The following SMYD5 variants were observed in gnomAD, a reference collection of about 807,000 sequenced individuals.
SMYD5 encodes the protein protein-lysine N-trimethyltransferase SMYD5.
In SMYD5, 35 loss-of-function variants were observed where a neutral mutation model predicts 57.4. That is an observed-to-expected ratio of 0.61 (90% CI 0.47 to 0.81). The LOEUF is 0.81. SMYD5 is among the 30% of genes least tolerant of loss of function. The probability of loss-of-function intolerance (pLI) is 0.00; values close to 1 mark genes in which losing one functional copy is unlikely to be tolerated. For missense variants in SMYD5, 471 were observed against 527.9 expected (o/e 0.89, Z 1.06); for synonymous variants, 198 against 189.7 (o/e 1.04, Z -0.36).
rs139106271 is a variant in SMYD5 at position 73,225,677 on chromosome 2, G to A, written c.1082G>A (p.Arg361His). 2.4e-5 allele frequency: 38 copies of A among 1,614,146 alleles called. No homozygotes were observed. The African/African-American group carries it at 2.9e-4, about 12-fold the overall frequency. ...GACTGCTGTCAGCGGGAGCGCAGCC[G>A]CCACAGCCGCCACAAGATCCTCAGG... is the stretch of plus-strand genomic sequence containing the variant. ...YLDCCQRERS[R>H]HSRHKILREN... is the part of the protein sequence containing the mutation. The change falls in exon 12 of 13, where the codon CGC becomes CAC. Residue 361 changes from arginine (R) to histidine (H), a missense_variant. By Grantham distance (29) the Arg-to-His change is conservative. Transcript: ENST00000389501.
rs375600186 is a variant in SMYD5, at chr2:73,218,852, C to T, written c.97-9C>T. 5 of 1,603,180 alleles carry T rather than the reference C, an allele frequency of 3.1e-6. No individual in the cohort carries two copies. The African/African-American group carries it at 6.7e-5, about 21-fold the overall frequency. Reference sequence around the variant, plus strand: ...TTTTTATGGCCATCCTATCCCTCTGCCCTCTCAGGGAAAGGGGCTGTTTGC... The same window carrying T: ...TTTTTATGGCCATCCTATCCCTCTGTCCTCTCAGGGAAAGGGGCTGTTTGC... On this transcript the variant is annotated splice_polypyrimidine_tract_variant and intron_variant, in intron 1 of 12. Transcript: ENST00000389501.
intron 10 of SMYD5, 26 bp from the exon 11 acceptor site, chr2:73,224,840 C>G: frequency 6.4e-7 from 1 of 1,561,330 alleles, no homozygotes; most frequent in Non-Finnish European, 8.8e-7. Context: ...GTCAATAATC[C>G]TCATTACCTG....
chr2:73,223,897 C>T (rs547616309), intron 9 of SMYD5, 50 bp from the exon 10 acceptor site: 4 of 1,571,760 alleles, frequency 2.5e-6, no homozygotes, highest in Middle Eastern at 1.7e-4. Flanking sequence ...GTTTCCTTTT[C>T]CTGCCTTTAA....
chr2:73,222,982 T>C (rs1285488144), intron 7 of SMYD5, 54 bp from the exon 8 acceptor site: 1 of 1,561,776 alleles, frequency 6.4e-7, no homozygotes, highest in Non-Finnish European at 8.8e-7. Flanking sequence ...AGAGTCCAAT[T>C]GGAAGAAAAG....
intron 6 of SMYD5, among the ~76,000 whole-genome samples, chr2:73,222,162 C>T (rs1409077489): frequency 1.3e-5 from 2 of 152,208 alleles, no homozygotes; most frequent in Non-Finnish European, 2.9e-5. Context: ...ATGTCAGATG[C>T]CTTGCCCTGA....
At chr2:73,222,989 A>G in intron 7 of SMYD5, 47 bp from the exon 8 acceptor site, 1 of 1,574,900 alleles carries the variant, frequency 6.3e-7, no homozygotes, top group Non-Finnish European at 8.7e-7. Flanking sequence ...AATTGGAAGA[A>G]AAGTCAGTGG....
At chr2:73,217,550 C>T (rs1173730858) in intron 1 of SMYD5, among the ~76,000 whole-genome samples, 1 of 152,150 alleles carries the variant, frequency 6.6e-6, no homozygotes, top group Non-Finnish European at 1.5e-5. Flanking sequence ...TTCCAGGAAA[C>T]CAGGCAAGGG....
intron 9 of SMYD5, 90 bp from the exon 10 acceptor site, chr2:73,223,857 G>T: frequency 8.2e-7 from 1 of 1,222,998 alleles, no homozygotes; most frequent in South Asian, 1.2e-5. Context: ...TTGCAGGACA[G>T]TGGAGACAGT....
intron 6 of SMYD5, among the ~76,000 whole-genome samples, 177 bp from the exon 7 acceptor site, chr2:73,222,578 C>G (rs954766213): frequency 6.6e-6 from 1 of 152,170 alleles, no homozygotes; most frequent in East Asian, 1.9e-4. Flanking sequence ...TGGAACAGGC[C>G]GGCAGACTGC....
Position 73,220,791 on chromosome 2 carries a change from C to T in SMYD5, c.467+9C>T. The T allele has an allele frequency of 6.2e-7, 1 of 1,613,600 alleles. No homozygotes were observed. The highest frequency in any genetic ancestry group is 1.3e-5 in the African/African-American group (1 of 75,028). Reference sequence around the variant, plus strand: ...CTTCAGGAGGCATGGAGGTAGGTTTCTTTTCCTCTCTTCTTTCCTTTATCC... The same window carrying T: ...CTTCAGGAGGCATGGAGGTAGGTTTTTTTTCCTCTCTTCTTTCCTTTATCC... On this transcript the variant is annotated intron_variant, in intron 4 of 12. Coordinates refer to ENST00000389501, the MANE Select transcript of SMYD5 (RefSeq NM_006062.3).
At chr2:73,220,606 A>T in intron 3 of SMYD5, 55 bp from the exon 4 acceptor site, 1 of 1,602,434 alleles carries the variant, frequency 6.2e-7, no homozygotes. Flanking sequence ...ATGCAGTTAG[A>T]GGAGGTGATT....
chr2:73,218,874 T>C lies in SMYD5; in HGVS notation c.110T>C (p.Phe37Ser). The part of the protein sequence containing the change: ...FVSSAKGKGL[F>S]ATQLIRKGET... ...CTGCCCTCTCAGGGAAAGGGGCTGT[T>C]TGCCACACAGCTCATCCGGAAGGGG... The change falls in exon 2 of 13, where the codon TTT becomes TCT. Residue 37 changes from phenylalanine to serine, a missense_variant. By Grantham distance (155) the Phe-to-Ser change is radical. Transcript: ENST00000389501. 6.2e-7 allele frequency: 1 copy of C among 1,613,580 alleles called. No homozygotes were observed. The highest frequency in any genetic ancestry group is 8.5e-7 in the Non-Finnish European group (1 of 1,179,476).
chr2:73,225,004 T>A, intron 11 of SMYD5, 44 bp downstream of exon 11: 2 of 1,463,884 alleles, frequency 1.4e-6, no homozygotes, highest in Non-Finnish European at 1.9e-6. Flanking sequence ...GCAGTAGGCC[T>A]TGGAAGTTCT....
chr2:73,223,664 C>T (rs1686447728), intron 9 of SMYD5, 132 bp downstream of exon 9: 1 of 720,372 alleles, frequency 1.4e-6, no homozygotes, highest in African/African-American at 1.7e-5. Flanking sequence ...CTGTGGGGAG[C>T]TTCAGATCTG....
Position 73,221,878 on chromosome 2 carries a change from C to T in SMYD5, c.590C>T (p.Thr197Ile). Residue 197 changes from threonine to isoleucine, a missense_variant, in exon 6 of 13, where the codon ACA (threonine) becomes ATA (isoleucine). Coordinates refer to ENST00000389501, the MANE Select transcript of SMYD5 (RefSeq NM_006062.3). ...CTCTTTTCCCAGTTTTGTAACAAAA[C>T]AGCCAATGAAGAGGAGGAAATTGTC... ...IRLFSQFCNK[T>I]ANEEEEIVHK... is the part of the protein sequence containing the mutation. 6.2e-7 allele frequency: 1 copy of T among 1,613,974 alleles called. No individual in the cohort carries two copies. The highest frequency in any genetic ancestry group is 8.5e-7 in the Non-Finnish European group (1 of 1,179,836).
intron 8 of SMYD5, 92 bp downstream of exon 8, chr2:73,223,198 G>T: frequency 9.3e-7 from 1 of 1,076,106 alleles, no homozygotes; most frequent in South Asian, 1.3e-5. Flanking sequence ...GATGGGGTAG[G>T]GTGGGACTCT....
At chr2:73,215,272 A>G (rs1463494960) in intron 1 of SMYD5, among the ~76,000 whole-genome samples, 4 of 152,298 alleles carry the variant, frequency 2.6e-5, no homozygotes, top group African/African-American at 7.2e-5. Flanking sequence ...GTGTAAAATT[A>G]TATTTGTTCT....
intron 1 of SMYD5, among the ~76,000 whole-genome samples, chr2:73,216,307 C>A (rs192382310): frequency 6.6e-6 from 1 of 152,158 alleles, no homozygotes; most frequent in Non-Finnish European, 1.5e-5. Flanking sequence ...TTAATTCCAG[C>A]GCTTTCGGAG....
At chr2:73,222,174 A>G (rs1003445309) in intron 6 of SMYD5, among the ~76,000 whole-genome samples, 3 of 152,222 alleles carry the variant, frequency 2.0e-5, no homozygotes, top group Non-Finnish European at 4.4e-5. Context: ...TTGCCCTGAA[A>G]GTGCTCCCTA....
Sources: allele counts gnomAD v4.1 joint callset (sites outside exome capture counted in the v4.1 genomes callset), GRCh38; gene constraint gnomAD v4.1.1; transcripts MANE v1.5; gene names NCBI Gene and HGNC (gene_info 2026-07-23, HGNC 2026-07-21).